The following RNF212B variants were observed in gnomAD, a reference collection of about 807,000 sequenced individuals.
RNF212B encodes the protein ring finger protein 212B, also known as E3 ubiquitin-protein ligase RNF212B.
Under a neutral mutation model 55.5 loss-of-function variants are expected in RNF212B, and 52 were observed. The ratio of observed to expected loss-of-function variants is 0.94; its 90% CI spans 0.75 to 1.18. The LOEUF (loss-of-function observed/expected upper bound fraction) is 1.18. Ranked by LOEUF, RNF212B falls within the 50% of genes most tolerant of loss-of-function variation. The probability of loss-of-function intolerance (pLI) is 0.00; values close to 1 mark genes in which losing one functional copy is unlikely to be tolerated. For missense variants in RNF212B, 289 were observed against 350.4 expected (o/e 0.82, Z 1.40); for synonymous variants, 99 against 121.4 (o/e 0.82, Z 1.21).
In RNF212B at chr14:23,273,295, G is replaced by A. The variant is rs146920554; in HGVS notation, c.*404G>A. On this transcript the variant is annotated 3_prime_UTR_variant, in exon 15 of 15. Coordinates refer to ENST00000430154, the MANE Select transcript of RNF212B (RefSeq NM_001282322.3). ...TTGGATATACTGTCCCATTGCCAAT[G>A]TTAACGAGCAATATCTCTGTTCTTT... 6.4e-6 allele frequency: 1 copy of A among 155,458 alleles called. No homozygotes were observed. The highest frequency in any genetic ancestry group is 2.4e-5 in the African/African-American group (1 of 41,644). The allele number at this position is 155,458 out of a possible 1,614,324, so 9.6% of individuals were successfully genotyped here.
chr14:23,223,360 T>G (rs1881732081), intron 2 of RNF212B, among the ~76,000 whole-genome samples: 1 of 146,426 alleles, frequency 6.8e-6, no homozygotes, highest in Admixed American at 6.8e-5. Flanking sequence ...TGAAAGCCTT[T>G]CCTTTTTTTT....
chr14:23,189,648 A>C (rs1241438243), intron 1 of RNF212B, among the ~76,000 whole-genome samples: 1 of 146,780 alleles, frequency 6.8e-6, no homozygotes, highest in African/African-American at 2.5e-5. Context: ...ACTAAAAATT[A>C]AAAAAAAAAA....
intron 2 of RNF212B, among the ~76,000 whole-genome samples, chr14:23,224,641 A>G (rs1451027446): frequency 6.6e-6 from 1 of 152,232 alleles, no homozygotes; most frequent in South Asian, 2.1e-4. Flanking sequence ...ACCTCAAACT[A>G]TGAAACTACT....
chr14:23,194,141 C>T (rs1878404871), intron 2 of RNF212B, among the ~76,000 whole-genome samples: 1 of 152,074 alleles, frequency 6.6e-6, no homozygotes, highest in Non-Finnish European at 1.5e-5. Context: ...CATTCCTGGC[C>T]TCATATACTA....
chr14:23,190,211 C>T (rs1877995461), intron 1 of RNF212B, among the ~76,000 whole-genome samples: 1 of 152,102 alleles, frequency 6.6e-6, no homozygotes, highest in South Asian at 2.1e-4. Context: ...CATCCAGTCC[C>T]ATGGCTTTCA....
intron 1 of RNF212B, among the ~76,000 whole-genome samples, chr14:23,239,950 A>T (rs1392396032): frequency 6.6e-6 from 1 of 151,646 alleles, no homozygotes; most frequent in Non-Finnish European, 1.5e-5. Flanking sequence ...AAACTGGCAC[A>T]TGTATTAATC....
chr14:23,229,350 G>T (rs2140417536), intron 2 of RNF212B, among the ~76,000 whole-genome samples: 1 of 148,592 alleles, frequency 6.7e-6, no homozygotes, highest in East Asian at 2.0e-4. Flanking sequence ...AGGAATATTG[G>T]TGTACACATA....
At chr14:23,214,646 G>GAA (rs58565146) in intron 2 of RNF212B, among the ~76,000 whole-genome samples, 130,007 of 151,508 alleles carry the variant, frequency 0.86, 56,073 homozygotes, top group African/African-American at 0.94. Context: ...TAAAGCATAG[G>GAA]AAAGTCAGTG....
At chr14:23,243,442 TC>T in intron 3 of RNF212B, 134 bp downstream of exon 3, 1 of 785,006 alleles carries the variant, frequency 1.3e-6, no homozygotes, top group Non-Finnish European at 2.0e-6. Flanking sequence ...AGGCCTGTAA[TC>T]CCAGCACTTT....
intron 11 of RNF212B, among the ~76,000 whole-genome samples, chr14:23,267,301 T>A (rs748027981): frequency 3.3e-5 from 5 of 152,288 alleles, no homozygotes; most frequent in Admixed American, 1.3e-4. Flanking sequence ...TCAAATTGTC[T>A]TATTTTCTCT....
chr14:23,236,768 A>G (rs1394583215), upstream of RNF212B, among the ~76,000 whole-genome samples: 1 of 151,990 alleles, frequency 6.6e-6, no homozygotes, highest in Non-Finnish European at 1.5e-5. Flanking sequence ...TTTGAGAACT[A>G]CTACTCTAAG....
chr14:23,271,960 T>C (rs1886121451), intron 14 of RNF212B, among the ~76,000 whole-genome samples: 1 of 152,242 alleles, frequency 6.6e-6, no homozygotes, highest in African/African-American at 2.4e-5. Context: ...TATAGGTACA[T>C]ACTAAAGTAT....
chr14:23,272,082 G>T (rs1486094167), intron 14 of RNF212B, among the ~76,000 whole-genome samples: 1 of 152,094 alleles, frequency 6.6e-6, no homozygotes, highest in Non-Finnish European at 1.5e-5. Flanking sequence ...TGTTAAAGAT[G>T]GACAATGGGC....
chr14:23,191,311 C>G (rs555710430), intron 1 of RNF212B, among the ~76,000 whole-genome samples: 6 of 148,194 alleles, frequency 4.0e-5, no homozygotes, highest in Non-Finnish European at 8.9e-5. Context: ...GAGCCGAGAT[C>G]GCACTGCACC....
intron 11 of RNF212B, among the ~76,000 whole-genome samples, chr14:23,265,321 G>A (rs1247579116): frequency 6.6e-6 from 1 of 152,218 alleles, no homozygotes; most frequent in Non-Finnish European, 1.5e-5. Flanking sequence ...GATGCTGATT[G>A]TTGGCCTGAA....
chr14:23,217,833 A>G (rs1881234928), intron 2 of RNF212B, among the ~76,000 whole-genome samples: 1 of 152,124 alleles, frequency 6.6e-6, no homozygotes, highest in Admixed American at 6.6e-5. Context: ...ACACTGATGA[A>G]CATCTACAAG....
At chr14:23,216,340 G>A (rs546088475) in intron 2 of RNF212B, among the ~76,000 whole-genome samples, 1 of 152,088 alleles carries the variant, frequency 6.6e-6, no homozygotes, top group African/African-American at 2.4e-5. Flanking sequence ...TCTAAACAAT[G>A]TTCAAGTAAC....
At chr14:23,258,689 A>C (rs1306502035) in intron 5 of RNF212B, 25 bp downstream of exon 5, 10 of 951,800 alleles carry the variant, frequency 1.1e-5, no homozygotes, top group African/African-American at 2.3e-5. Flanking sequence ...AAGTCCCAAG[A>C]GAGCTTTTTT....
At chr14:23,240,141 A>G (rs1004520911) in intron 1 of RNF212B, among the ~76,000 whole-genome samples, 5 of 152,076 alleles carry the variant, frequency 3.3e-5, no homozygotes, top group African/African-American at 1.2e-4. Flanking sequence ...TGTTATAACA[A>G]CCTGCTGTTA....
Sources: gnomAD v4.1 joint callset for allele counts (sites outside exome capture counted in the v4.1 genomes callset) on GRCh38, gnomAD v4.1.1 for gene constraint, MANE v1.5 for transcripts, NCBI Gene and HGNC (gene_info 2026-07-23, HGNC 2026-07-21) for gene names.